The following NRIP3 variants were observed in gnomAD, a reference collection of about 807,000 sequenced individuals.
NRIP3 encodes nuclear receptor-interacting protein 3.
A neutral mutation model predicts 29.0 loss-of-function variants in NRIP3; 31 were observed. The observed-to-expected ratio is 1.07, with a 90% confidence interval of 0.80 to 1.44. The LOEUF is 1.44. Among genes scored for constraint, NRIP3 ranks in the 40% most tolerant of loss-of-function variants. The probability of loss-of-function intolerance (pLI) is 0.00; values close to 1 mark genes in which losing one functional copy is unlikely to be tolerated. For synonymous variants in NRIP3, 131 were observed against 118.3 expected (o/e 1.11, Z -0.70); for missense variants, 314 against 297.9 (o/e 1.05, Z -0.40).
intron 4 of NRIP3, among the ~76,000 whole-genome samples, chr11:8,984,905 G>A (rs1722048319): frequency 6.6e-6 from 1 of 151,662 alleles, no homozygotes; most frequent in South Asian, 2.1e-4. Context: ...AGGCTGGAGT[G>A]CAATGGCGCG....
At chr11:9,004,113 C>T, upstream of NRIP3, 1 of 482,842 alleles carries the variant, frequency 2.1e-6, no homozygotes, top group Non-Finnish European at 3.3e-6. Flanking sequence ...CGCGCGGCTC[C>T]CTCGCGTCCC....
At chr11:8,986,799 G>C (rs1256090260) in intron 3 of NRIP3, among the ~76,000 whole-genome samples, 1 of 152,150 alleles carries the variant, frequency 6.6e-6, no homozygotes, top group East Asian at 1.9e-4. Flanking sequence ...CGGGCAGATT[G>C]CTTGAGCCCA....
chr11:8,986,266 C>T (rs1403102864), intron 3 of NRIP3, among the ~76,000 whole-genome samples: 1 of 152,184 alleles, frequency 6.6e-6, no homozygotes. Flanking sequence ...GTGTAATTTT[C>T]TCATTGTCCT....
At chr11:8,985,163 A>T (rs2134907424) in intron 4 of NRIP3, among the ~76,000 whole-genome samples, 1 of 77,648 alleles carries the variant, frequency 1.3e-5, no homozygotes, top group African/African-American at 5.1e-5. Flanking sequence ...TTGCTCCTTG[A>T]ATTTTTTTTT....
At chr11:8,996,530 C>T (rs879602516) in intron 1 of NRIP3, among the ~76,000 whole-genome samples, 2 of 152,142 alleles carry the variant, frequency 1.3e-5, no homozygotes, top group Non-Finnish European at 2.9e-5. Context: ...ATCCACTTGC[C>T]TTGGCCTCCC....
Position 8,983,908 on chromosome 11 carries a change from G to A in NRIP3, c.677C>T (p.Pro226Leu), listed in dbSNP as rs757066191. The A allele has an allele frequency of 6.2e-7, 1 of 1,614,066 alleles. No individual in the cohort carries two copies. Among genetic ancestry groups the A allele is most frequent in the African/African-American group, 1.3e-5 (1 of 74,910 alleles). The change falls in exon 6 of 7, where the codon CCT becomes CTT. Residue 226 changes from proline to leucine, a missense_variant. Transcript: ENST00000309166. ...ATTCAAAGAGACTGTCTCCACAAAAGGGATTTCTTCCTTGTCTGTCTTCCC... is the reference window on the plus strand; with the variant it reads ...ATTCAAAGAGACTGTCTCCACAAAAAGGATTTCTTCCTTGTCTGTCTTCCC... ...IMGKTDKEEI[P>L]FVETVSLNED...
chr11:8,988,512 G>A (rs1854552358), intron 1 of NRIP3, among the ~76,000 whole-genome samples: 1 of 152,160 alleles, frequency 6.6e-6, no homozygotes, highest in Non-Finnish European at 1.5e-5. Context: ...ATATGACACT[G>A]GGAAATGTGG....
chr11:9,002,686 A>G (rs1854830534), intron 1 of NRIP3, among the ~76,000 whole-genome samples: 2 of 151,918 alleles, frequency 1.3e-5, no homozygotes, highest in African/African-American at 4.8e-5. Flanking sequence ...TAGGGCCGAC[A>G]ACCACATCCA....
chr11:8,993,109 G>A (rs1384343912), intron 1 of NRIP3, among the ~76,000 whole-genome samples: 2 of 152,170 alleles, frequency 1.3e-5, no homozygotes, highest in Non-Finnish European at 2.9e-5. Flanking sequence ...GGCAAAGGCA[G>A]TTCTAAGAAT....
Position 8,983,082 on chromosome 11 carries a change from T to C in NRIP3, c.*463A>G. The stretch of plus-strand genomic sequence containing the variant: ...CATACTTGAGAAATCAATGAATCAA[T>C]TTGAAGAAACTCTAATTCTAAGACA... On this transcript the variant is annotated 3_prime_UTR_variant, in exon 7 of 7. Coordinates refer to ENST00000309166, the MANE Select transcript of NRIP3 (RefSeq NM_020645.3). The C allele has an allele frequency of 2.2e-6, 1 of 445,460 alleles. No homozygotes were observed. The highest frequency in any genetic ancestry group is 4.5e-6 in the Non-Finnish European group (1 of 223,910). 27.6% of individuals were successfully genotyped at this position (445,460 alleles called of 1,614,324 possible). A position where few individuals can be genotyped will look rare whatever the true frequency, so the allele number is the denominator to read the frequency against.
chr11:8,984,912 C>T (rs1238425145), intron 4 of NRIP3, among the ~76,000 whole-genome samples: 2 of 151,806 alleles, frequency 1.3e-5, no homozygotes, highest in African/African-American at 2.4e-5. Context: ...AGTGCAATGG[C>T]GCGATCTCTG....
chr11:8,991,174 G>T (rs894952456), intron 1 of NRIP3, among the ~76,000 whole-genome samples: 1 of 151,934 alleles, frequency 6.6e-6, no homozygotes, highest in African/African-American at 2.4e-5. Context: ...GGTGGTGGGC[G>T]CCTGTAGTCC....
At position 8,983,563 on chromosome 11, in the gene NRIP3, G is replaced by C. The variant is rs750967712; in HGVS notation, c.711-3C>G. The stretch of plus-strand genomic sequence containing the variant: ...GCTGTAGTTATGCTTCTGAAGTGCT[G>C]AAATGAGAAATAAATATCAGGAGAA... On this transcript the variant is annotated splice_region_variant and splice_polypyrimidine_tract_variant and intron_variant, in intron 6 of 6. Coordinates refer to ENST00000309166, the MANE Select transcript of NRIP3 (RefSeq NM_020645.3). 1 of 1,613,270 alleles carries C rather than the reference G, an allele frequency of 6.2e-7. No homozygotes were observed. The highest frequency in any genetic ancestry group is 8.5e-7 in the Non-Finnish European group (1 of 1,179,368).
intron 3 of NRIP3, among the ~76,000 whole-genome samples, chr11:8,987,286 C>T (rs1854534389): frequency 6.6e-6 from 1 of 152,140 alleles, no homozygotes; most frequent in South Asian, 2.1e-4. Context: ...CTCTCTCATT[C>T]AAGTTTAGAG....
chr11:8,983,754 G>C, intron 6 of NRIP3, 121 bp downstream of exon 6: 3 of 939,300 alleles, frequency 3.2e-6, no homozygotes, highest in Non-Finnish European at 5.1e-6. Flanking sequence ...GGGTGGATTT[G>C]TAGTATAATT....
At chr11:8,987,780 T>TA in intron 2 of NRIP3, 150 bp from the exon 3 acceptor site, 1 of 688,010 alleles carries the variant, frequency 1.5e-6, no homozygotes, top group Non-Finnish European at 2.6e-6. Context: ...TACCCACTGC[T>TA]AAGTCTGCCT....
intron 1 of NRIP3, among the ~76,000 whole-genome samples, chr11:8,991,226 G>A (rs551463183): frequency 5.9e-5 from 9 of 151,616 alleles, no homozygotes; most frequent in African/African-American, 1.9e-4. Context: ...GCATGAACCC[G>A]GGAGGCAGAG....
rs1854424774 is a variant in NRIP3, at chr11:8,982,102, C to T, written c.*1443G>A. On this transcript the variant is annotated 3_prime_UTR_variant, in exon 7 of 7. Coordinates refer to ENST00000309166, the MANE Select transcript of NRIP3 (RefSeq NM_020645.3). ...GAATATCTTAAAGGGATACCCACAG[C>T]TAGCTATTTTTCTGACTTGTCCAAG... is the stretch of plus-strand genomic sequence containing the variant. The T allele has an allele frequency of 6.6e-6, 1 of 152,232 alleles. No homozygotes were observed. Among genetic ancestry groups the T allele is most frequent in the Non-Finnish European group, 1.5e-5 (1 of 68,062 alleles). The allele number at this position is 152,232 out of a possible 1,614,324, so 9.4% of individuals were successfully genotyped here. A position where few individuals can be genotyped will look rare whatever the true frequency, so the allele number is the denominator to read the frequency against.
chr11:9,003,937 G>A lies in NRIP3; in HGVS notation c.-2C>T, dbSNP rs1854863886. The A allele has an allele frequency of 2.0e-6, 3 of 1,484,676 alleles. No homozygotes were observed. Among genetic ancestry groups the A allele is most frequent in the Non-Finnish European group, 2.7e-6 (3 of 1,114,206 alleles). The allele number at this position is 1,484,676 out of a possible 1,614,324, so 92.0% of individuals were successfully genotyped here. The stretch of plus-strand genomic sequence containing the variant: ...AGTGAGGAGCCCTGAGTAAAACATC[G>A]CTGAGGCGCCGGCGGCCCGGTAGCC... On this transcript the variant is annotated 5_prime_UTR_variant, in exon 1 of 7. Transcript: ENST00000309166.
Sources: gnomAD v4.1 joint callset for allele counts (sites outside exome capture counted in the v4.1 genomes callset) on GRCh38, gnomAD v4.1.1 for gene constraint, MANE v1.5 for transcripts, NCBI Gene and HGNC (gene_info 2026-07-23, HGNC 2026-07-21) for gene names.